Variants in TEKT5 observed in about 807,000 individuals in gnomAD.
TEKT5 encodes the protein tektin 5, also known as tektin-5.
In TEKT5, 52 loss-of-function variants were observed where a neutral mutation model predicts 48.7. The observed-to-expected ratio is 1.07, with a 90% CI of 0.86 to 1.35. TEKT5 has a LOEUF of 1.35. Ranked by LOEUF, TEKT5 falls within the 40% of genes most tolerant of loss-of-function variation. TEKT5 has a pLI of 0.00. For missense variants in TEKT5, 831 were observed against 641.6 expected, an observed-to-expected ratio of 1.30 and a Z score of -3.19; for synonymous variants, 318 against 267.6, an observed-to-expected ratio of 1.19 and a Z score of -1.84.
At chr16:10,687,517 C>G (rs1449316993) in intron 3 of TEKT5, among the ~76,000 whole-genome samples, 2 of 152,250 alleles carry the variant, frequency 1.3e-5, no homozygotes, top group African/African-American at 4.8e-5. Context: ...CTGTGGGAGC[C>G]TGAGGTGGGC....
chr16:10,647,697 G>A lies in TEKT5; in HGVS notation c.1087-11779C>T, dbSNP rs140488948. Among the ~76,000 whole-genome samples, 632 of 152,272 alleles carry A rather than the reference G, an allele frequency of 4.2e-3. 4 individuals carry two copies. The highest frequency in any genetic ancestry group is 5.0e-3 in the Non-Finnish European group (339 of 68,018). On this transcript the variant is annotated intron_variant, in intron 5 of 6. Coordinates refer to ENST00000283025, the MANE Select transcript of TEKT5 (RefSeq NM_144674.2). Reference sequence around the variant, plus strand: ...GCTTAGGGCTCAGTCAGCCTGTGATGGGGACCTGAAACTTTACAAAAGGCC... The same window carrying A: ...GCTTAGGGCTCAGTCAGCCTGTGATAGGGACCTGAAACTTTACAAAAGGCC...
At chr16:10,635,683 C>A in intron 6 of TEKT5, 81 bp downstream of exon 6, 2 of 1,546,624 alleles carry the variant, frequency 1.3e-6, no homozygotes, top group Non-Finnish European at 8.7e-7. Context: ...ACCCAGTGCA[C>A]CTAGAAGCTC....
At chr16:10,666,386 C>G (rs1268265509) in intron 5 of TEKT5, among the ~76,000 whole-genome samples, 2 of 152,188 alleles carry the variant, frequency 1.3e-5, no homozygotes, top group Non-Finnish European at 2.9e-5. Context: ...AGCCTCAGCA[C>G]TACTGACATT....
intron 3 of TEKT5, among the ~76,000 whole-genome samples, chr16:10,685,694 G>A (rs1898852203): frequency 6.6e-6 from 1 of 151,904 alleles, no homozygotes; most frequent in South Asian, 2.1e-4. Flanking sequence ...ATCTGACTCT[G>A]TGCCTCTCTG....
At position 10,666,694 on chromosome 16, in the gene TEKT5, A is replaced by T. The variant is rs537937331; in HGVS notation, c.1086+9265T>A. On this transcript the variant is annotated intron_variant, in intron 5 of 6. Coordinates refer to ENST00000283025, the MANE Select transcript of TEKT5 (RefSeq NM_144674.2). Reference sequence around the variant, plus strand: ...GATTACTGAGTGTCTGCATGGGTGGATCACCTTATGAAGCCAGGGATGGGG... The same window carrying T: ...GATTACTGAGTGTCTGCATGGGTGGTTCACCTTATGAAGCCAGGGATGGGG... Among the ~76,000 whole-genome samples, 18 of 152,342 alleles carry T rather than the reference A, an allele frequency of 1.2e-4. No homozygotes were observed. In the East Asian group the frequency reaches 1.7e-3, roughly 15 times the overall value.
At chr16:10,652,984 C>T (rs1402751484) in intron 5 of TEKT5, among the ~76,000 whole-genome samples, 1 of 152,226 alleles carries the variant, frequency 6.6e-6, no homozygotes, top group African/African-American at 2.4e-5. Context: ...GAGACGCACA[C>T]ATGCACAGAG....
intron 5 of TEKT5, among the ~76,000 whole-genome samples, chr16:10,649,869 G>A (rs1898125520): frequency 6.6e-6 from 1 of 152,156 alleles, no homozygotes; most frequent in African/African-American, 2.4e-5. Flanking sequence ...GCAGGTGAGA[G>A]AGAATTGAAG....
At chr16:10,670,390 G>A (rs186383212) in intron 5 of TEKT5, among the ~76,000 whole-genome samples, 2 of 152,184 alleles carry the variant, frequency 1.3e-5, no homozygotes, top group Non-Finnish European at 2.9e-5. Context: ...AGCCGAGCAT[G>A]GTGGCAGCTG....
chr16:10,677,710 A>C (rs1898672765), intron 4 of TEKT5, among the ~76,000 whole-genome samples: 1 of 151,970 alleles, frequency 6.6e-6, no homozygotes, highest in Admixed American at 6.6e-5. Context: ...GCCCCAGAAA[A>C]GGAGGAACCA....
chr16:10,628,754 A>C (rs937497950), intron 6 of TEKT5, among the ~76,000 whole-genome samples: 1 of 151,962 alleles, frequency 6.6e-6, no homozygotes. Context: ...AAAATACAAA[A>C]AGTTAGCCAG....
At chr16:10,693,370 C>T (rs1454008134) in intron 1 of TEKT5, among the ~76,000 whole-genome samples, 1 of 152,250 alleles carries the variant, frequency 6.6e-6, no homozygotes, top group Admixed American at 6.5e-5. Context: ...GCTGGGATTA[C>T]AGGTGTAAGC....
intron 5 of TEKT5, among the ~76,000 whole-genome samples, chr16:10,666,229 A>G (rs1482234143): frequency 6.6e-6 from 1 of 152,158 alleles, no homozygotes; most frequent in Non-Finnish European, 1.5e-5. Context: ...CTTGTAGTTT[A>G]TAAGAGGGCA....
At chr16:10,674,069 T>A (rs1898597981) in intron 5 of TEKT5, among the ~76,000 whole-genome samples, 1 of 152,134 alleles carries the variant, frequency 6.6e-6, no homozygotes, top group Non-Finnish European at 1.5e-5. Context: ...GGCTCCCCAT[T>A]GCTCTTAGGT....
At chr16:10,674,633 A>C (rs1288238750) in intron 5 of TEKT5, among the ~76,000 whole-genome samples, 2 of 150,914 alleles carry the variant, frequency 1.3e-5, no homozygotes, top group Admixed American at 6.6e-5. Flanking sequence ...AAAAAAAAAA[A>C]AAAAAAAACA....
intron 5 of TEKT5, among the ~76,000 whole-genome samples, chr16:10,667,743 A>C (rs548579316): frequency 3.3e-4 from 50 of 152,220 alleles, no homozygotes; most frequent in Non-Finnish European, 2.5e-4. Flanking sequence ...TTTTTCTTCA[A>C]ATCAGCCTGT....
At chr16:10,660,002 C>T (rs571829734) in intron 5 of TEKT5, among the ~76,000 whole-genome samples, 1 of 152,188 alleles carries the variant, frequency 6.6e-6, no homozygotes, top group Non-Finnish European at 1.5e-5. Context: ...CCACCACTCT[C>T]AATACGTATT....
intron 5 of TEKT5, among the ~76,000 whole-genome samples, chr16:10,644,744 G>A (rs747740015): frequency 6.6e-6 from 1 of 152,172 alleles, no homozygotes; most frequent in East Asian, 1.9e-4. Flanking sequence ...TGCAGCATTA[G>A]GGTTACCAGT....
chr16:10,660,790 T>C (rs905116014), intron 5 of TEKT5, among the ~76,000 whole-genome samples: 2 of 151,970 alleles, frequency 1.3e-5, no homozygotes, highest in African/African-American at 4.8e-5. Context: ...AACCTCCACC[T>C]CCTGGGTTCA....
intron 5 of TEKT5, among the ~76,000 whole-genome samples, chr16:10,655,269 G>A (rs150506668): frequency 5.3e-5 from 8 of 151,982 alleles, no homozygotes; most frequent in African/African-American, 1.9e-4. Flanking sequence ...CGTTCTTATC[G>A]CTCCCAGTCT....
Sources: gnomAD v4.1 joint callset for allele counts (sites outside exome capture counted in the v4.1 genomes callset) on GRCh38, gnomAD v4.1.1 for gene constraint, MANE v1.5 for transcripts, NCBI Gene and HGNC (gene_info 2026-07-23, HGNC 2026-07-21) for gene names.